FTCDNL1: variants seen among roughly 807,000 people sequenced by gnomAD.
The protein encoded by FTCDNL1 is formiminotransferase N-terminal subdomain-containing protein.
A neutral mutation model predicts 5.9 loss-of-function variants in FTCDNL1; 11 were observed. The ratio of observed to expected loss-of-function variants is 1.87; its 90% CI spans 1.18 to 3.10. The LOEUF is 3.10. Among genes scored for constraint, FTCDNL1 ranks in the 30% most tolerant of loss-of-function variants. FTCDNL1 has a pLI of 0.00. For missense variants in FTCDNL1, 115 were observed against 65.5 expected (o/e 1.76, Z -2.61); for synonymous variants, 58 against 24.8 (o/e 2.34, Z -3.99).
At chr2:199,798,226 G>C (rs528150959) in intron 3 of FTCDNL1, among the ~76,000 whole-genome samples, 1 of 152,286 alleles carries the variant, frequency 6.6e-6, no homozygotes, top group Admixed American at 6.5e-5. Flanking sequence ...GAGTTATCTA[G>C]TTCTGACTCA....
the FTCDNL1 span, among the ~76,000 whole-genome samples, chr2:199,748,116 A>G: frequency 6.6e-6 from 1 of 152,246 alleles, no homozygotes; most frequent in Non-Finnish European, 1.5e-5. Flanking sequence ...AGGGTCAAAG[A>G]GAGCAGTGCA....
the FTCDNL1 span, among the ~76,000 whole-genome samples, chr2:199,666,246 A>T: frequency 6.6e-6 from 1 of 152,232 alleles, no homozygotes; most frequent in African/African-American, 2.4e-5. Context: ...ATAGGAAAAC[A>T]AGCTGAATTT....
intron 3 of FTCDNL1, among the ~76,000 whole-genome samples, chr2:199,775,225 C>T (rs977738470): frequency 3.3e-5 from 5 of 152,142 alleles, no homozygotes; most frequent in African/African-American, 1.2e-4. Context: ...TTTTGGAGAA[C>T]GTTTATTAGA....
chr2:199,846,966 C>A (rs1339958349), intron 2 of FTCDNL1, among the ~76,000 whole-genome samples: 3 of 152,098 alleles, frequency 2.0e-5, no homozygotes, highest in African/African-American at 4.8e-5. Context: ...TCTCCTTGTC[C>A]CCTGGCAGCT....
At chr2:199,846,200 A>G in intron 2 of FTCDNL1, 30 bp from the exon 3 acceptor site, 1 of 664,406 alleles carries the variant, frequency 1.5e-6, no homozygotes, top group Non-Finnish European at 2.7e-6. Flanking sequence ...GAAGTGCAAG[A>G]ATTTTTTTTC....
the FTCDNL1 span, among the ~76,000 whole-genome samples, chr2:199,734,206 C>T: frequency 6.6e-6 from 1 of 152,102 alleles, no homozygotes; most frequent in Non-Finnish European, 1.5e-5. Context: ...GACTCTGAGC[C>T]AAAGAGTCTC....
chr2:199,819,451 C>A, intron 4 of FTCDNL1, 121 bp downstream of exon 4: 2 of 624,140 alleles, frequency 3.2e-6, no homozygotes, highest in South Asian at 1.9e-5. Context: ...AGAGCCTCAC[C>A]CATTTCAAGA....
At chr2:199,736,927 G>A in the FTCDNL1 span, among the ~76,000 whole-genome samples, 49 of 152,346 alleles carry the variant, frequency 3.2e-4, no homozygotes, top group African/African-American at 1.2e-3. Flanking sequence ...ACCCCCTGTT[G>A]CCCAAACTGT....
chr2:199,792,795 C>A (rs1376024497), intron 3 of FTCDNL1, among the ~76,000 whole-genome samples: 1 of 152,176 alleles, frequency 6.6e-6, no homozygotes, highest in African/African-American at 2.4e-5. Flanking sequence ...TCCACATGTG[C>A]AACCTTTGTA....
intron 3 of FTCDNL1, among the ~76,000 whole-genome samples, chr2:199,824,066 C>T (rs1701866386): frequency 1.3e-5 from 2 of 152,204 alleles, no homozygotes; most frequent in African/African-American, 2.4e-5. Context: ...CCTCCCACCT[C>T]GGTCTCCCAA....
chr2:199,795,477 C>A (rs1406650953), intron 3 of FTCDNL1, among the ~76,000 whole-genome samples: 1 of 152,196 alleles, frequency 6.6e-6, no homozygotes, highest in Non-Finnish European at 1.5e-5. Context: ...CTACATGGTA[C>A]TTACATCATA....
At chr2:199,835,759 C>T (rs1702689841) in intron 3 of FTCDNL1, among the ~76,000 whole-genome samples, 1 of 152,198 alleles carries the variant, frequency 6.6e-6, no homozygotes, top group East Asian at 1.9e-4. Flanking sequence ...CAGTCAGTTG[C>T]TATAAACCCT....
chr2:199,756,060 G>T (rs1698062748), downstream of FTCDNL1, among the ~76,000 whole-genome samples: 1 of 152,024 alleles, frequency 6.6e-6, no homozygotes, highest in African/African-American at 2.4e-5. Context: ...TATGAATATG[G>T]GTATGTTGGA....
chr2:199,840,816 G>A (rs1394982714), intron 3 of FTCDNL1, among the ~76,000 whole-genome samples: 1 of 151,710 alleles, frequency 6.6e-6, no homozygotes, highest in Non-Finnish European at 1.5e-5. Context: ...GAGAGGGAAG[G>A]AAGGAAGAAA....
chr2:199,726,496 T>G, the FTCDNL1 span, among the ~76,000 whole-genome samples: 1 of 152,234 alleles, frequency 6.6e-6, no homozygotes. Flanking sequence ...TCCATGTTTT[T>G]GCGCTGATTT....
At chr2:199,756,296 T>C (rs1417354417), downstream of FTCDNL1, among the ~76,000 whole-genome samples, 1 of 152,196 alleles carries the variant, frequency 6.6e-6, no homozygotes, top group Non-Finnish European at 1.5e-5. Flanking sequence ...TCTCAATTTA[T>C]TTATGAATCT....
At position 199,792,422 on chromosome 2, in the gene FTCDNL1, CA is replaced by C. The variant is rs553767101; in HGVS notation, c.212-31588del. ...TTGAGGATCCTTCCCTGACTCTGTC[CA>C]GCAGAGGACTTTTTGGCTCTTCCCT... On this transcript the variant is annotated intron_variant, in intron 3 of 3. Transcript: ENST00000416668. 1.5e-4 allele frequency among the ~76,000 whole-genome samples: 23 copies of C among 152,264 alleles called. 1 individual carries two copies. Among genetic ancestry groups the C allele is most frequent in the African/African-American group, 5.3e-4 (22 of 41,560 alleles).
chr2:199,725,226 A>G, the FTCDNL1 span, among the ~76,000 whole-genome samples: 1 of 151,950 alleles, frequency 6.6e-6, no homozygotes, highest in Non-Finnish European at 1.5e-5. Flanking sequence ...TCTGCTTTCC[A>G]TTTGCTTGAT....
chr2:199,787,548 T>C (rs1699722524), intron 3 of FTCDNL1, among the ~76,000 whole-genome samples: 1 of 152,144 alleles, frequency 6.6e-6, no homozygotes, highest in Non-Finnish European at 1.5e-5. Flanking sequence ...GATTAAGACA[T>C]TGAGACTTTC....
Sources: allele counts gnomAD v4.1 joint callset (sites outside exome capture counted in the v4.1 genomes callset), GRCh38; gene constraint gnomAD v4.1.1; transcripts MANE v1.5; gene names NCBI Gene and HGNC (gene_info 2026-07-23, HGNC 2026-07-21).